The following KIF18B variants were observed in gnomAD, a reference collection of about 807,000 sequenced individuals.
KIF18B encodes the protein kinesin-like protein KIF18B.
A neutral mutation model predicts 80.9 loss-of-function variants in KIF18B; 49 were observed. The observed-to-expected ratio is 0.61, with a 90% CI of 0.48 to 0.77. KIF18B has a LOEUF of 0.77. KIF18B is among the 30% of genes least tolerant of loss of function. The probability of loss-of-function intolerance (pLI) is 0.00; values close to 1 mark genes in which losing one functional copy is unlikely to be tolerated. For synonymous variants in KIF18B, 439 were observed against 463.9 expected, an observed-to-expected ratio of 0.95 and a Z score of 0.69; for missense variants, 994 against 1,127.7, an observed-to-expected ratio of 0.88 and a Z score of 1.70.
At chr17:44,938,077 G>A (rs930806707) in intron 1 of KIF18B, among the ~76,000 whole-genome samples, 3 of 151,910 alleles carry the variant, frequency 2.0e-5, no homozygotes, top group Non-Finnish European at 4.4e-5. Context: ...GTGCAATGGT[G>A]CGATCTCAGC....
rs763296734 is a variant in KIF18B at position 44,928,172 on chromosome 17, G to A, written c.2130C>T (p.Ser710=). ...CTCGAGTGGGCAGAGCCAGCGGGGT[G>A]GAGCAGTTCTGCATGGCGGAAGGGC... ...PLGPSAMQNC[S]TPLALPTRDL... Residue 710 remains serine (S), a synonymous_variant, in exon 13 of 16, where the codon TCC becomes TCT. Transcript: ENST00000593135. 4 of 1,610,908 alleles carry A rather than the reference G, an allele frequency of 2.5e-6. No homozygotes were observed. In the East Asian group the frequency reaches 8.9e-5, roughly 36 times the overall value.
In KIF18B at chr17:44,926,996, C is replaced by T. The variant is rs745510143; in HGVS notation, c.2359G>A (p.Val787Ile). Residue 787 changes from valine (V) to isoleucine (I), a missense_variant, in exon 14 of 16, where the codon GTT becomes ATT. Val to Ile is a conservative substitution (Grantham distance 29). Transcript: ENST00000593135. ...PGTSACKKKR[V>I]ASSSVSHGRS... ...ACACCTCCCAAACCTCACCTCGCAA[C>T]GCGCTTCTTCTTGCAGGCAGAGGTC... is the stretch of plus-strand genomic sequence containing the variant. The T allele has an allele frequency of 4.5e-5, 72 of 1,609,642 alleles. No individual in the cohort carries two copies. The highest frequency in any genetic ancestry group is 5.4e-5 in the Non-Finnish European group (64 of 1,178,136).
Position 44,925,822 on chromosome 17 carries a change from A to G in KIF18B, c.*258T>C. On this transcript the variant is annotated 3_prime_UTR_variant, in exon 16 of 16. Coordinates refer to ENST00000593135, the MANE Select transcript of KIF18B (RefSeq NM_001265577.2). ...AAAACAAAAACCACCAAAAAACAAA[A>G]AACAGCAGCACATTAACACTCACAA... 1 of 525,034 alleles carries G rather than the reference A, an allele frequency of 1.9e-6. No individual in the cohort carries two copies. Among genetic ancestry groups the G allele is most frequent in the East Asian group, 3.5e-5 (1 of 28,832 alleles). 32.5% of individuals were successfully genotyped at this position (525,034 alleles called of 1,614,324 possible). A position where few individuals can be genotyped will look rare whatever the true frequency, so the allele number is the denominator to read the frequency against.
chr17:44,935,381 G>T lies in KIF18B; in HGVS notation c.349C>A (p.His117Asn), dbSNP rs1368590236. 1.2e-6 allele frequency: 2 copies of T among 1,612,916 alleles called. No individual in the cohort carries two copies. Among genetic ancestry groups the T allele is most frequent in the Non-Finnish European group, 1.7e-6 (2 of 1,179,278 alleles). The change falls in exon 3 of 16, where the codon CAC becomes AAC. Residue 117 changes from histidine (H) to asparagine (N), a missense_variant. Coordinates refer to ENST00000593135, the MANE Select transcript of KIF18B (RefSeq NM_001265577.2). ...AYGATGAGKT[H>N]TMLGREGDPG... Reference sequence around the variant, plus strand: ...TCCCCCTCCCTTCCCAGCATGGTGTGTGTCTTCCCAGCCCCGGTGGCCCCG... The same window carrying T: ...TCCCCCTCCCTTCCCAGCATGGTGTTTGTCTTCCCAGCCCCGGTGGCCCCG...
Position 44,928,916 on chromosome 17 carries a change from C to T in KIF18B, c.1626G>A (p.Leu542=), listed in dbSNP as rs1190738146. 1.2e-6 allele frequency: 2 copies of T among 1,613,978 alleles called. No individual in the cohort carries two copies. The highest frequency in any genetic ancestry group is 1.1e-5 in the South Asian group (1 of 91,088). ...CAGGCTCAATTTTTTCCTCTTGCACCAGCTGCTGTAGGGTCTCAAACTCTG... is the reference window on the plus strand; with the variant it reads ...CAGGCTCAATTTTTTCCTCTTGCACTAGCTGCTGTAGGGTCTCAAACTCTG... ...MITEFETLQQ[L]VQEEKIEPGA... is the part of the protein sequence containing the mutation. The change falls in exon 12 of 16, where the codon CTG becomes CTA. Residue 542 remains leucine (L), a synonymous_variant. Transcript: ENST00000593135.
Position 44,932,076 on chromosome 17 carries a change from C to T in KIF18B, c.1369G>A (p.Asp457Asn). The T allele has an allele frequency of 1.2e-6, 2 of 1,613,286 alleles. No individual in the cohort carries two copies. Among genetic ancestry groups the T allele is most frequent in the Non-Finnish European group, 1.7e-6 (2 of 1,179,590 alleles). Residue 457 changes from aspartate to asparagine, a missense_variant, in exon 10 of 16, where the codon GAT becomes AAT. Asp to Asn is a conservative substitution (Grantham distance 23). Transcript: ENST00000593135. ...SDQEQSPEDE[D>N]EGPAEEVPTQ... The stretch of plus-strand genomic sequence containing the variant: ...CCTACCTCCTCAGCTGGGCCTTCAT[C>T]CTCATCCTCTGGGGACTGCTCCTGG...
At chr17:44,926,534 G>A (rs373656052) in intron 14 of KIF18B, 35 bp from the exon 15 acceptor site, 30 of 1,542,250 alleles carry the variant, frequency 1.9e-5, no homozygotes, top group East Asian at 1.2e-4. Context: ...GGAAGGTTAC[G>A]GCCCTGTCTC....
At chr17:44,932,891 C>T (rs779471718) in intron 8 of KIF18B, 21 bp downstream of exon 8, 3 of 1,595,646 alleles carry the variant, frequency 1.9e-6, no homozygotes, top group Non-Finnish European at 2.6e-6. Flanking sequence ...CTCCAGCCTG[C>T]CCCCAAGGCG....
At chr17:44,933,092 A>T in intron 7 of KIF18B, 106 bp from the exon 8 acceptor site, 1 of 999,396 alleles carries the variant, frequency 1.0e-6, no homozygotes, top group South Asian at 1.6e-5. Context: ...CGTCCCCATG[A>T]CCCACCCTCG....
At chr17:44,933,066 C>T (rs2052194051) in intron 7 of KIF18B, 80 bp from the exon 8 acceptor site, 10 of 1,320,322 alleles carry the variant, frequency 7.6e-6, no homozygotes, top group Non-Finnish European at 8.5e-6. Flanking sequence ...CCAGGCACTG[C>T]ACTAGGTCTC....
chr17:44,929,322 G>A (rs1311272500), intron 11 of KIF18B, among the ~76,000 whole-genome samples: 1 of 152,248 alleles, frequency 6.6e-6, no homozygotes, highest in East Asian at 1.9e-4. Context: ...GTAGGGAAAT[G>A]GCACTAGGTG....
At position 44,928,350 on chromosome 17, in the gene KIF18B, C is replaced by A. The variant is rs371129096; in HGVS notation, c.1952G>T (p.Arg651Leu). The A allele has an allele frequency of 6.2e-7, 1 of 1,605,370 alleles. No homozygotes were observed. Among genetic ancestry groups the A allele is most frequent in the African/African-American group, 1.3e-5 (1 of 74,952 alleles). Residue 651 changes from arginine (R) to leucine (L), a missense_variant, in exon 13 of 16, where the codon CGC (arginine) becomes CTC (leucine). Physicochemically the swap from Arg to Leu is moderately radical, Grantham distance 102. Coordinates refer to ENST00000593135, the MANE Select transcript of KIF18B (RefSeq NM_001265577.2). ...MAPKRGTKRQ[R>L]QSFLPCLRRG... The stretch of plus-strand genomic sequence containing the variant: ...CCTTAGGCAGGGCAGGAAGGACTGG[C>A]GCTGGCGCTTGGTGCCCCGCTTTGG...
chr17:44,925,873 G>C lies in KIF18B; in HGVS notation c.*207C>G, dbSNP rs1263002573. On this transcript the variant is annotated 3_prime_UTR_variant, in exon 16 of 16. Coordinates refer to ENST00000593135, the MANE Select transcript of KIF18B (RefSeq NM_001265577.2). Reference sequence around the variant, plus strand: ...ATGAATATGTACATGCCAAGAAGCTGAGTGTAACAGGAGATTAACAGAGGG... The same window carrying C: ...ATGAATATGTACATGCCAAGAAGCTCAGTGTAACAGGAGATTAACAGAGGG... 2 of 611,020 alleles carry C rather than the reference G, an allele frequency of 3.3e-6. No homozygotes were observed. Among genetic ancestry groups the C allele is most frequent in the Non-Finnish European group, 5.8e-6 (2 of 343,782 alleles). 37.8% of individuals were successfully genotyped at this position (611,020 alleles called of 1,614,324 possible).
intron 10 of KIF18B, 25 bp from the exon 11 acceptor site, chr17:44,931,754 G>A: frequency 1.2e-6 from 2 of 1,612,606 alleles, no homozygotes; most frequent in Non-Finnish European, 1.7e-6. Context: ...AAAGGCACAG[G>A]TAGAGGGGCC....
At chr17:44,932,628 T>C in intron 9 of KIF18B, 45 bp downstream of exon 9, 1 of 1,028,386 alleles carries the variant, frequency 9.7e-7, no homozygotes, top group East Asian at 2.4e-5. Flanking sequence ...CTCCCCATCC[T>C]GGCTGAGCTG....
intron 1 of KIF18B, among the ~76,000 whole-genome samples, chr17:44,939,366 CA>C (rs781348504): frequency 0.093 from 3,418 of 36,712 alleles, 13 homozygotes; most frequent in Middle Eastern, 0.14. Context: ...GACTCCATCT[CA>C]AAAAAAAAAA....
intron 11 of KIF18B, among the ~76,000 whole-genome samples, chr17:44,929,982 T>C (rs2145681431): frequency 6.6e-6 from 1 of 152,334 alleles, no homozygotes; most frequent in African/African-American, 2.4e-5. Context: ...TCAGTGGGAA[T>C]TATCCATGGA....
intron 1 of KIF18B, among the ~76,000 whole-genome samples, chr17:44,937,382 G>T (rs950684425): frequency 6.6e-6 from 1 of 152,028 alleles, no homozygotes; most frequent in Non-Finnish European, 1.5e-5. Flanking sequence ...GCAAGATTGT[G>T]GCTACTGCCT....
At chr17:44,945,227 A>C (rs569870476) in intron 1 of KIF18B, among the ~76,000 whole-genome samples, 1 of 152,042 alleles carries the variant, frequency 6.6e-6, no homozygotes, top group East Asian at 1.9e-4. Context: ...ACACCCCCCA[A>C]TTTTAAATTT....
Sources: gnomAD v4.1 joint callset for allele counts (sites outside exome capture counted in the v4.1 genomes callset) on GRCh38, gnomAD v4.1.1 for gene constraint, MANE v1.5 for transcripts, NCBI Gene and HGNC (gene_info 2026-07-23, HGNC 2026-07-21) for gene names.